The following BRIP1 variants were observed in gnomAD, a reference collection of about 807,000 sequenced individuals.
The protein encoded by BRIP1 is BRCA1 interacting DNA helicase 1.
A neutral mutation model predicts 119.7 loss-of-function variants in BRIP1; 88 were observed. The ratio of observed to expected loss-of-function variants is 0.74; its 90% CI spans 0.62 to 0.88. BRIP1 has a LOEUF of 0.88. Ranked by LOEUF, BRIP1 falls within the 40% of genes least tolerant of loss-of-function variation. The pLI is 0.00. For synonymous variants in BRIP1, 443 were observed against 496.5 expected, an observed-to-expected ratio of 0.89 and a Z score of 1.43; for missense variants, 1,259 against 1,455.4, an observed-to-expected ratio of 0.87 and a Z score of 2.20.
In BRIP1 at chr17:61,843,604, T is replaced by C. The variant is rs1274997052; in HGVS notation, c.627+3497A>G. On this transcript the variant is annotated intron_variant, in intron 6 of 19. Transcript: ENST00000259008. The surrounding 1 kb of genome is among the most constrained non-coding windows in gnomAD (Gnocchi z 5.7). ...CACGAGATCTGGTTATTTAAAACAGTGTGGAACCTCCTCTGCTCTCTCCTC... is the reference window on the plus strand; with the variant it reads ...CACGAGATCTGGTTATTTAAAACAGCGTGGAACCTCCTCTGCTCTCTCCTC... Among the ~76,000 whole-genome samples the C allele has an allele frequency of 2.0e-5, 3 of 152,022 alleles. No homozygotes were observed. The highest frequency in any genetic ancestry group is 2.1e-4 in the South Asian group (1 of 4,818).
chr17:61,765,398 TA>T (rs2077346500), intron 14 of BRIP1, among the ~76,000 whole-genome samples: 5 of 14,568 alleles, frequency 3.4e-4, no homozygotes, highest in African/African-American at 4.8e-4. Flanking sequence ...TATATATATA[TA>T]TATATATATA....
At chr17:61,797,885 C>T (rs909380893) in intron 9 of BRIP1, among the ~76,000 whole-genome samples, 2 of 152,018 alleles carry the variant, frequency 1.3e-5, no homozygotes, top group African/African-American at 2.4e-5. Context: ...TACCACTTTT[C>T]ACCTAGCAGG....
At position 61,742,857 on chromosome 17, in the gene BRIP1, C is replaced by T. The variant is rs1407437630; in HGVS notation, c.2379+156G>A. ...ACCACATGCTGTTGGAAAAATGGTG[C>T]TGAAAGACTTGCACAATGCAGGGTT... On this transcript the variant is annotated intron_variant, in intron 16 of 19. Coordinates refer to ENST00000259008, the MANE Select transcript of BRIP1 (RefSeq NM_032043.3). The surrounding 1 kb of genome is among the most constrained non-coding windows in gnomAD (Gnocchi z 4.7). Among the ~76,000 whole-genome samples, 1 of 152,058 alleles carries T rather than the reference C, an allele frequency of 6.6e-6. No individual in the cohort carries two copies. The highest frequency in any genetic ancestry group is 1.5e-5 in the Non-Finnish European group (1 of 68,004).
At chr17:61,771,852 C>T (rs1483043134) in intron 14 of BRIP1, among the ~76,000 whole-genome samples, 5 of 151,938 alleles carry the variant, frequency 3.3e-5, no homozygotes, top group Admixed American at 1.3e-4. Flanking sequence ...ATCCCAGCTA[C>T]TCGGGAGGCT....
rs561028425 is a variant in BRIP1 at position 61,823,168 on chromosome 17, G to A, written c.628-14411C>T. The stretch of plus-strand genomic sequence containing the variant: ...CCTTGCACAAGTAATGCAACATCTG[G>A]CTTATAGTAGTTTTCACTTAGAACA... On this transcript the variant is annotated intron_variant, in intron 6 of 19. Transcript: ENST00000259008. The surrounding 1 kb of genome is among the most constrained non-coding windows in gnomAD (Gnocchi z 4.8). Among the ~76,000 whole-genome samples the A allele has an allele frequency of 6.6e-6, 1 of 152,240 alleles. No individual in the cohort carries two copies. The highest frequency in any genetic ancestry group is 6.5e-5 in the Admixed American group (1 of 15,300).
intron 16 of BRIP1, among the ~76,000 whole-genome samples, chr17:61,723,701 T>G (rs17612238): frequency 6.6e-6 from 1 of 152,142 alleles, no homozygotes; most frequent in Non-Finnish European, 1.5e-5. Context: ...TTTCCCAAAA[T>G]AGAAAGCTAT....
At position 61,720,128 on chromosome 17, in the gene BRIP1, G is replaced by A. The variant is rs746278647; in HGVS notation, c.2380-4065C>T. Among the ~76,000 whole-genome samples the A allele has an allele frequency of 1.2e-4, 18 of 152,240 alleles. No homozygotes were observed. The highest frequency in any genetic ancestry group is 3.4e-3 in the Middle Eastern group (1 of 294). ...TAGGAATACAGGCATGAGCCACTGC[G>A]TCTGGCTGAGATTTGTTAAAGGATA... is the stretch of plus-strand genomic sequence containing the variant. On this transcript the variant is annotated intron_variant, in intron 16 of 19. Coordinates refer to ENST00000259008, the MANE Select transcript of BRIP1 (RefSeq NM_032043.3). The surrounding 1 kb of genome is among the most constrained non-coding windows in gnomAD (Gnocchi z 4.3).
intron 10 of BRIP1, among the ~76,000 whole-genome samples, chr17:61,787,398 AT>A (rs1227247565): frequency 1.5e-4 from 19 of 123,564 alleles, no homozygotes; most frequent in African/African-American, 5.5e-4. Flanking sequence ...TAGTATATAT[AT>A]TTATATAAAA....
chr17:61,746,025 C>G lies in BRIP1; in HGVS notation c.2098-1434G>C, dbSNP rs936162630. ...TACTATGAGTTCTACACAATTTGGACAAGTTATTATAAGAAACCACCCAAA... is the reference window on the plus strand; with the variant it reads ...TACTATGAGTTCTACACAATTTGGAGAAGTTATTATAAGAAACCACCCAAA... On this transcript the variant is annotated intron_variant, in intron 14 of 19. Coordinates refer to ENST00000259008, the MANE Select transcript of BRIP1 (RefSeq NM_032043.3). This position sits in a 1 kb window ranked among gnomAD's most constrained non-coding sequence, Gnocchi z 4.9. Among the ~76,000 whole-genome samples the G allele has an allele frequency of 6.6e-6, 1 of 152,044 alleles. No homozygotes were observed.
intron 6 of BRIP1, among the ~76,000 whole-genome samples, chr17:61,817,894 GA>G (rs1436967498): frequency 2.6e-5 from 4 of 152,168 alleles, no homozygotes; most frequent in Non-Finnish European, 1.5e-5. Context: ...TGCAGCTCAT[GA>G]AAACTGGGTT....
Position 61,754,020 on chromosome 17 carries a change from G to T in BRIP1, c.2098-9429C>A, listed in dbSNP as rs950027233. 6.6e-6 allele frequency among the ~76,000 whole-genome samples: 1 copy of T among 152,080 alleles called. No homozygotes were observed. Among genetic ancestry groups the T allele is most frequent in the African/African-American group, 2.4e-5 (1 of 41,396 alleles). ...TCACTATCTTTACTGCTACCACAGT[G>T]GTCCAAGCCACCACCATCTATCATC... On this transcript the variant is annotated intron_variant, in intron 14 of 19. Coordinates refer to ENST00000259008, the MANE Select transcript of BRIP1 (RefSeq NM_032043.3). The surrounding 1 kb of genome is among the most constrained non-coding windows in gnomAD (Gnocchi z 4.1).
intron 17 of BRIP1, among the ~76,000 whole-genome samples, chr17:61,697,203 G>A (rs1458139960): frequency 6.6e-6 from 1 of 150,882 alleles, no homozygotes; most frequent in Non-Finnish European, 1.5e-5. Flanking sequence ...CGGGCATGGT[G>A]GCAGGCACCT....
Position 61,683,508 on chromosome 17 carries a change from C to G in BRIP1, c.3538G>C (p.Asp1180His), listed in dbSNP as rs2061303001. Residue 1180 changes from aspartate to histidine, a missense_variant, in exon 20 of 20, where the codon GAT becomes CAT. Around this residue, in one of 3 missense-constraint regions of BRIP1, gnomAD observed 753 missense variants for 891.8 expected, o/e 0.84. Coordinates refer to ENST00000259008, the MANE Select transcript of BRIP1 (RefSeq NM_032043.3). This position sits in a 1 kb window ranked among gnomAD's most constrained non-coding sequence, Gnocchi z 4.7. ...LFEIRTIKEV[D>H]SAREVKAEDC... ...TCAGCTTTCACTTCTCTGGCTGAATCTACTTCTTTTATAGTTCTAATTTCA... is the reference window on the plus strand; with the variant it reads ...TCAGCTTTCACTTCTCTGGCTGAATGTACTTCTTTTATAGTTCTAATTTCA... 6.2e-7 allele frequency: 1 copy of G among 1,613,586 alleles called. No individual in the cohort carries two copies. Among genetic ancestry groups the G allele is most frequent in the Non-Finnish European group, 8.5e-7 (1 of 1,179,928 alleles).
At position 61,691,797 on chromosome 17, in the gene BRIP1, A is replaced by T. The variant is rs2144169338; in HGVS notation, c.2575+1633T>A. ...GAACCACAAAGGACCACAAATAGGC[A>T]AAAGAACCTTGAGAAAAATGATAAA... is the stretch of plus-strand genomic sequence containing the variant. On this transcript the variant is annotated intron_variant, in intron 18 of 19. Transcript: ENST00000259008. This position sits in a 1 kb window ranked among gnomAD's most constrained non-coding sequence, Gnocchi z 5.0. 6.6e-6 allele frequency among the ~76,000 whole-genome samples: 1 copy of T among 152,320 alleles called. No individual in the cohort carries two copies. Among genetic ancestry groups the T allele is most frequent in the South Asian group, 2.1e-4 (1 of 4,824 alleles).
In BRIP1 at chr17:61,681,863, A is replaced by C. The variant is rs1396243319; in HGVS notation, c.*1433T>G. 1 of 198,480 alleles carries C rather than the reference A, an allele frequency of 5.0e-6. No homozygotes were observed. Among genetic ancestry groups the C allele is most frequent in the Non-Finnish European group, 1.0e-5 (1 of 96,028 alleles). The allele number at this position is 198,480 out of a possible 1,614,324, so 12.3% of individuals were successfully genotyped here. ...ATTCATTTATCCAAATGAAATGTAAAGTAAATCCTTACTGGAAATTTTGAC... is the reference window on the plus strand; with the variant it reads ...ATTCATTTATCCAAATGAAATGTAACGTAAATCCTTACTGGAAATTTTGAC... On this transcript the variant is annotated 3_prime_UTR_variant, in exon 20 of 20. Coordinates refer to ENST00000259008, the MANE Select transcript of BRIP1 (RefSeq NM_032043.3). This position sits in a 1 kb window ranked among gnomAD's most constrained non-coding sequence, Gnocchi z 5.1.
chr17:61,785,271 T>C (rs1344805476), intron 10 of BRIP1, among the ~76,000 whole-genome samples: 1 of 152,184 alleles, frequency 6.6e-6, no homozygotes, highest in African/African-American at 2.4e-5. Flanking sequence ...AATAACAAAA[T>C]GTATGTTAAC....
Position 61,699,796 on chromosome 17 carries a change from C to T in BRIP1, c.2493-6284G>A, listed in dbSNP as rs1006327034. On this transcript the variant is annotated intron_variant, in intron 17 of 19. Transcript: ENST00000259008. This position sits in a 1 kb window ranked among gnomAD's most constrained non-coding sequence, Gnocchi z 4.8. ...AAACAATATATTAATGCTGAATACT[C>T]ATTCTCCTTTTGAGAGTCTAGTCTT... Among the ~76,000 whole-genome samples the T allele has an allele frequency of 3.5e-4, 53 of 152,322 alleles. No homozygotes were observed. The highest frequency in any genetic ancestry group is 1.3e-3 in the African/African-American group (53 of 41,562).
In BRIP1 at chr17:61,775,063, A is replaced by G. The variant is rs1367787301; in HGVS notation, c.2097+1338T>C. On this transcript the variant is annotated intron_variant, in intron 14 of 19. Transcript: ENST00000259008. This position sits in a 1 kb window ranked among gnomAD's most constrained non-coding sequence, Gnocchi z 4.4. The stretch of plus-strand genomic sequence containing the variant: ...AACTTTTCTTCCAATTTCCCGGAAG[A>G]TATTTGTCTCCATATTTAAGAATTA... Among the ~76,000 whole-genome samples, 2 of 152,304 alleles carry G rather than the reference A, an allele frequency of 1.3e-5. No individual in the cohort carries two copies. The highest frequency in any genetic ancestry group is 2.1e-4 in the South Asian group (1 of 4,830).
rs2061331445 is a variant in BRIP1, at chr17:61,684,450, G to A, written c.2906-310C>T. On this transcript the variant is annotated intron_variant, in intron 19 of 19. Transcript: ENST00000259008. The surrounding 1 kb of genome is among the most constrained non-coding windows in gnomAD (Gnocchi z 4.5). Reference sequence around the variant, plus strand: ...AAGAGGAAGGGAGCTGAGGAAAGGAGGGAACAGGCTGTAAACATTTGCCTT... The same window carrying A: ...AAGAGGAAGGGAGCTGAGGAAAGGAAGGAACAGGCTGTAAACATTTGCCTT... Among the ~76,000 whole-genome samples the A allele has an allele frequency of 6.6e-6, 1 of 152,108 alleles. No homozygotes were observed.
Sources: allele counts gnomAD v4.1 joint callset (sites outside exome capture counted in the v4.1 genomes callset), GRCh38; gene constraint gnomAD v4.1.1; regional missense constraint gnomAD v4.1.1; non-coding constraint Gnocchi (gnomAD v3.1); transcripts MANE v1.5; gene names NCBI Gene and HGNC (gene_info 2026-07-23, HGNC 2026-07-21).